PATJ: variants seen among roughly 807,000 people sequenced by gnomAD.
PATJ encodes PATJ crumbs cell polarity complex component, also known as inaD-like protein.
Under a neutral mutation model 224.9 loss-of-function variants are expected in PATJ, and 190 were observed. The observed-to-expected ratio is 0.84, with a 90% CI of 0.75 to 0.95. The LOEUF is 0.95. Ranked by LOEUF, PATJ falls within the 40% of genes least tolerant of loss-of-function variation. The pLI is 0.00. For missense variants in PATJ, 2,121 were observed against 2,270.3 expected, an observed-to-expected ratio of 0.93 and a Z score of 1.34; for synonymous variants, 769 against 820.3, an observed-to-expected ratio of 0.94 and a Z score of 1.07.
chr1:61,896,017 G>T (rs376207820), intron 22 of PATJ, among the ~76,000 whole-genome samples: 5 of 152,250 alleles, frequency 3.3e-5, no homozygotes, highest in East Asian at 1.9e-4. Flanking sequence ...TAATGATTAT[G>T]GCCAGGCGGT....
chr1:62,138,522 G>A (rs773859457), intron 41 of PATJ, among the ~76,000 whole-genome samples: 28 of 151,870 alleles, frequency 1.8e-4, no homozygotes, highest in Non-Finnish European at 3.2e-4. Context: ...GGCCAGGCTC[G>A]TCACAAACTC....
chr1:61,945,832 C>G (rs531614250), intron 27 of PATJ, among the ~76,000 whole-genome samples: 9 of 152,288 alleles, frequency 5.9e-5, no homozygotes, highest in Admixed American at 1.3e-4. Flanking sequence ...CACTCCTCAG[C>G]AAATGCAAAA....
intron 12 of PATJ, among the ~76,000 whole-genome samples, chr1:61,803,681 A>T (rs555270715): frequency 1.3e-5 from 2 of 152,332 alleles, no homozygotes; most frequent in South Asian, 4.1e-4. Context: ...TTATACTTAC[A>T]GTTGACCAGG....
chr1:61,805,655 C>T, intron 13 of PATJ, 131 bp downstream of exon 13: 4 of 616,626 alleles, frequency 6.5e-6, no homozygotes, highest in Non-Finnish European at 1.1e-5. Flanking sequence ...TGCCTTTCTT[C>T]CCTAGTGGAT....
intron 28 of PATJ, among the ~76,000 whole-genome samples, chr1:61,992,117 C>CTTT (rs138874624): frequency 1.5e-4 from 21 of 136,300 alleles, no homozygotes; most frequent in African/African-American, 5.1e-4. Flanking sequence ...CTGTGGGATT[C>CTTT]TTTTTTTTTT....
In PATJ at chr1:61,786,567, G is replaced by A. The variant is rs138081248; in HGVS notation, c.850-1187G>A. ...TTCCACCTCGCCCATCTGTACCTCTGTAGTCTGCATCTCAGTTCATGGCAA... is the reference window on the plus strand; with the variant it reads ...TTCCACCTCGCCCATCTGTACCTCTATAGTCTGCATCTCAGTTCATGGCAA... On this transcript the variant is annotated intron_variant, in intron 7 of 43. Coordinates refer to ENST00000642238, the MANE Select transcript of PATJ (RefSeq NM_001350145.3). Among the ~76,000 whole-genome samples the A allele has an allele frequency of 2.4e-4, 37 of 152,146 alleles. No homozygotes were observed. The East Asian group carries it at 6.6e-3, about 27-fold the overall frequency.
chr1:61,772,340 A>G (rs1367830361), intron 6 of PATJ, among the ~76,000 whole-genome samples: 1 of 152,140 alleles, frequency 6.6e-6, no homozygotes, highest in Non-Finnish European at 1.5e-5. Flanking sequence ...AAGGGGATTT[A>G]TGACCAGATT....
chr1:61,935,325 T>G (rs1676678361), intron 27 of PATJ, among the ~76,000 whole-genome samples: 2 of 152,208 alleles, frequency 1.3e-5, no homozygotes, highest in South Asian at 4.1e-4. Flanking sequence ...CCTAAAGCCC[T>G]TCCTTTATAC....
intron 17 of PATJ, among the ~76,000 whole-genome samples, chr1:61,851,975 A>G (rs977374733): frequency 1.3e-5 from 2 of 152,070 alleles, no homozygotes; most frequent in Non-Finnish European, 2.9e-5. Flanking sequence ...GGAGTTCGAG[A>G]CCAGCCTAGC....
At chr1:62,095,910 T>C (rs1189165834) in intron 33 of PATJ, among the ~76,000 whole-genome samples, 1 of 152,184 alleles carries the variant, frequency 6.6e-6, no homozygotes, top group Admixed American at 6.5e-5. Context: ...TATATAGTGT[T>C]GGTTCATTAA....
At chr1:62,106,472 A>G (rs1002689625) in intron 33 of PATJ, among the ~76,000 whole-genome samples, 13 of 150,962 alleles carry the variant, frequency 8.6e-5, no homozygotes, top group Admixed American at 3.3e-4. Flanking sequence ...TGCAATCTCA[A>G]AAAAAATTTT....
At chr1:61,829,258 C>T (rs1448179799) in intron 16 of PATJ, among the ~76,000 whole-genome samples, 1 of 152,052 alleles carries the variant, frequency 6.6e-6, no homozygotes, top group Non-Finnish European at 1.5e-5. Flanking sequence ...ATAAGAGGGG[C>T]TTGGTAAATT....
intron 24 of PATJ, among the ~76,000 whole-genome samples, chr1:61,908,083 A>G (rs1421491863): frequency 6.6e-6 from 1 of 152,188 alleles, no homozygotes; most frequent in Non-Finnish European, 1.5e-5. Context: ...AGACATCTTA[A>G]GGTTCTGTTA....
rs752936893 is a variant in PATJ at position 61,990,148 on chromosome 1, T to TA, written c.3671-13dup. The TA allele has an allele frequency of 9.7e-6, 15 of 1,545,556 alleles. No homozygotes were observed. Among genetic ancestry groups the TA allele is most frequent in the Admixed American group, 3.8e-5 (2 of 52,778 alleles). ...CAGATCAAGCTACTCTATTTAATTT[T>TA]AAAAAAATTCTTTTAATAGAAAAAA... On this transcript the variant is annotated intron_variant, in intron 27 of 43. Coordinates refer to ENST00000642238, the MANE Select transcript of PATJ (RefSeq NM_001350145.3).
chr1:62,119,433 G>C (rs553162676), intron 37 of PATJ, among the ~76,000 whole-genome samples: 5 of 152,160 alleles, frequency 3.3e-5, no homozygotes, highest in Non-Finnish European at 7.4e-5. Context: ...GCCTTCTTTT[G>C]AGCGCTAAGG....
chr1:62,065,387 G>T (rs552735158), intron 31 of PATJ, among the ~76,000 whole-genome samples: 4 of 152,300 alleles, frequency 2.6e-5, no homozygotes, highest in Admixed American at 1.3e-4. Flanking sequence ...GAGACAGGCG[G>T]ATCACCTGAT....
At chr1:62,126,576 C>T (rs1367061798) in intron 39 of PATJ, among the ~76,000 whole-genome samples, 1 of 152,152 alleles carries the variant, frequency 6.6e-6, no homozygotes, top group African/African-American at 2.4e-5. Flanking sequence ...AAAAACTGGA[C>T]TAGAGCCAAG....
intron 25 of PATJ, among the ~76,000 whole-genome samples, chr1:61,909,651 T>C (rs1672335154): frequency 6.6e-6 from 1 of 152,146 alleles, no homozygotes; most frequent in Non-Finnish European, 1.5e-5. Context: ...TTTTTTTTGT[T>C]TTTTGATAGG....
At chr1:61,995,204 T>C (rs987680851) in intron 28 of PATJ, among the ~76,000 whole-genome samples, 8 of 152,196 alleles carry the variant, frequency 5.3e-5, no homozygotes, top group African/African-American at 1.9e-4. Context: ...ACCTATTGGG[T>C]TTCTGAGAGC....
Sources: allele counts gnomAD v4.1 joint callset (sites outside exome capture counted in the v4.1 genomes callset), GRCh38; gene constraint gnomAD v4.1.1; transcripts MANE v1.5; gene names NCBI Gene and HGNC (gene_info 2026-07-23, HGNC 2026-07-21).